NVL: variants seen among roughly 807,000 people sequenced by gnomAD.
NVL encodes the protein nuclear valosin-containing protein-like.
In NVL, 84 loss-of-function variants were observed where a neutral mutation model predicts 110.2. The observed-to-expected ratio is 0.76, with a 90% CI of 0.64 to 0.91. The LOEUF is 0.91. Among genes scored for constraint, NVL ranks in the 40% least tolerant of loss-of-function variants. NVL has a pLI of 0.00. For missense variants in NVL, 882 were observed against 1,035.9 expected (o/e 0.85, Z 2.04); for synonymous variants, 354 against 361.1 (o/e 0.98, Z 0.22).
At chr1:224,235,268 A>G (rs1478671034) in intron 20 of NVL, among the ~76,000 whole-genome samples, 1 of 152,128 alleles carries the variant, frequency 6.6e-6, no homozygotes, top group Non-Finnish European at 1.5e-5. Context: ...GCTGGGTTCA[A>G]GCAATTTTCC....
intron 2 of NVL, among the ~76,000 whole-genome samples, chr1:224,321,259 A>T (rs932974283): frequency 5.3e-5 from 8 of 152,204 alleles, no homozygotes; most frequent in Non-Finnish European, 8.8e-5. Flanking sequence ...AAATAAATAA[A>T]TAATTAATTA....
intron 19 of NVL, among the ~76,000 whole-genome samples, chr1:224,242,032 C>CA (rs922580258): frequency 8.6e-4 from 118 of 136,526 alleles, no homozygotes; most frequent in Middle Eastern, 3.6e-3. Context: ...AACTCCGTCT[C>CA]AAAAAAAAAA....
intron 18 of NVL, among the ~76,000 whole-genome samples, chr1:224,255,550 A>T (rs144175072): frequency 2.0e-4 from 31 of 152,002 alleles, no homozygotes; most frequent in Non-Finnish European, 3.5e-4. Context: ...ATTTTCTCCT[A>T]GTCTGTGGTT....
intron 9 of NVL, chr1:224,302,971 C>T: frequency 7.0e-6 from 2 of 286,694 alleles, no homozygotes; most frequent in South Asian, 2.7e-5. Flanking sequence ...ACCACTTGAG[C>T]CTGGGAAGTT....
intron 18 of NVL, among the ~76,000 whole-genome samples, chr1:224,253,648 A>T (rs534264886): frequency 6.7e-6 from 1 of 149,218 alleles, no homozygotes; most frequent in South Asian, 2.1e-4. Flanking sequence ...CAGGAGAATC[A>T]CTTGAACTCA....
intron 5 of NVL, among the ~76,000 whole-genome samples, chr1:224,308,932 A>G (rs1422376015): frequency 6.7e-6 from 1 of 148,716 alleles, no homozygotes; most frequent in Non-Finnish European, 1.5e-5. Flanking sequence ...GTGATGGCGG[A>G]CGCCTGTAGT....
chr1:224,233,276 A>C lies in NVL; in HGVS notation c.2380T>G (p.Ser794Ala), dbSNP rs923136062. ...RCDCYTGADLSALVREASICA... is the reference protein window; with the variant it reads ...RCDCYTGADLAALVREASICA... ...ATAGAAGCTTCTCGTACCAAAGCAGAGAGATCTGCGCCCCTACAATAAAAT... is the reference window on the plus strand; with the variant it reads ...ATAGAAGCTTCTCGTACCAAAGCAGCGAGATCTGCGCCCCTACAATAAAAT... The change falls in exon 21 of 23, where the codon TCT (serine) becomes GCT (alanine). Residue 794 changes from serine (S) to alanine (A), a missense_variant. Around this residue, in one of 4 missense-constraint regions of NVL, gnomAD observed 126 missense variants for 140.7 expected, o/e 0.90. Transcript: ENST00000281701. 2 of 1,611,600 alleles carry C rather than the reference A, an allele frequency of 1.2e-6. No individual in the cohort carries two copies. Among genetic ancestry groups the C allele is most frequent in the Non-Finnish European group, 1.7e-6 (2 of 1,179,094 alleles).
At chr1:224,261,115 C>T (rs1230314507) in intron 18 of NVL, among the ~76,000 whole-genome samples, 1 of 152,140 alleles carries the variant, frequency 6.6e-6, no homozygotes, top group African/African-American at 2.4e-5. Flanking sequence ...ACCTCATGAT[C>T]TGCCCGCCTC....
intron 18 of NVL, among the ~76,000 whole-genome samples, chr1:224,254,237 T>C (rs1324014238): frequency 6.6e-6 from 1 of 151,286 alleles, no homozygotes; most frequent in Admixed American, 6.6e-5. Context: ...GGATTACAGG[T>C]GACCACCACC....
At chr1:224,266,188 CTTTT>C (rs907972021) in intron 18 of NVL, among the ~76,000 whole-genome samples, 7 of 152,070 alleles carry the variant, frequency 4.6e-5, no homozygotes, top group Non-Finnish European at 1.0e-4. Context: ...TTCAATGAGG[CTTTT>C]TTGAGAGAAA....
rs183337089 is a variant in NVL, at chr1:224,252,302, G to A, written c.2183-1984C>T. 2.3e-3 allele frequency among the ~76,000 whole-genome samples: 357 copies of A among 152,114 alleles called. 1 individual carries two copies. In the Middle Eastern group the frequency reaches 0.031, roughly 13 times the overall value. ...GCTTGCCAGACCCTTGGTATCAGGA[G>A]CACAGAGCAAGCCCCATACCTGAAG... On this transcript the variant is annotated intron_variant, in intron 18 of 22. Coordinates refer to ENST00000281701, the MANE Select transcript of NVL (RefSeq NM_002533.4).
intron 19 of NVL, among the ~76,000 whole-genome samples, chr1:224,249,948 T>C (rs1662277246): frequency 6.6e-6 from 1 of 152,194 alleles, no homozygotes; most frequent in African/African-American, 2.4e-5. Flanking sequence ...TTGCCCAGGC[T>C]GGTACCAAAC....
Position 224,300,780 on chromosome 1 carries a change from A to G in NVL, c.961-117T>C, listed in dbSNP as rs1445490659. On this transcript the variant is annotated intron_variant, in intron 9 of 22. Transcript: ENST00000281701. ...GTTTCCTGAGGAACTTCATCTTTTT[A>G]TGTTGGCCCAGTGAAAAACACTATT... 8.7e-6 allele frequency: 6 copies of G among 691,446 alleles called. No homozygotes were observed. The East Asian group carries it at 1.7e-4, about 19-fold the overall frequency. The allele number at this position is 691,446 out of a possible 1,614,324, so 42.8% of individuals were successfully genotyped here. A position where few individuals can be genotyped will look rare whatever the true frequency, so the allele number is the denominator to read the frequency against.
Position 224,294,354 on chromosome 1 carries a change from G to C in NVL, c.1238C>G (p.Pro413Arg), listed in dbSNP as rs772190566. The C allele has an allele frequency of 6.2e-7, 1 of 1,614,028 alleles. No individual in the cohort carries two copies. The highest frequency in any genetic ancestry group is 2.2e-5 in the East Asian group (1 of 44,870). ...TCTCAAAGCAGGGTCTAACGAGTCT[G>C]GTCGATTAGTAGCTCCAATAACTAG... Reference protein sequence around the residue: ...RVLVIGATNRPDSLDPALRRA... With the variant: ...RVLVIGATNRRDSLDPALRRA... The change falls in exon 12 of 23, where the codon CCA (proline) becomes CGA (arginine). Residue 413 changes from proline to arginine, a missense_variant. Around this residue, in one of 4 missense-constraint regions of NVL, gnomAD observed 416 missense variants for 499.3 expected, o/e 0.83. Coordinates refer to ENST00000281701, the MANE Select transcript of NVL (RefSeq NM_002533.4).
At chr1:224,235,620 T>G (rs377333066) in intron 20 of NVL, among the ~76,000 whole-genome samples, 59 of 151,892 alleles carry the variant, frequency 3.9e-4, no homozygotes, top group African/African-American at 1.4e-3. Context: ...CACTGCTACA[T>G]TGGAAGGACA....
At position 224,281,025 on chromosome 1, in the gene NVL, A is replaced by G. The variant is rs1446610822; in HGVS notation, c.1962+98T>C. ...CAGCACTGATTTTAAATACCAAAAT[A>G]CCACAATTGCTGAAAGATCTGAGAA... On this transcript the variant is annotated intron_variant, in intron 16 of 22. Coordinates refer to ENST00000281701, the MANE Select transcript of NVL (RefSeq NM_002533.4). 4.5e-6 allele frequency: 5 copies of G among 1,114,094 alleles called. No homozygotes were observed. The Admixed American group carries it at 7.1e-5, about 16-fold the overall frequency. 69.0% of individuals were successfully genotyped at this position (1,114,094 alleles called of 1,614,324 possible).
chr1:224,255,148 C>A (rs1663041936), intron 18 of NVL, among the ~76,000 whole-genome samples: 1 of 148,166 alleles, frequency 6.7e-6, no homozygotes, highest in Non-Finnish European at 1.5e-5. Context: ...GGATTACAGG[C>A]ATGAGCCAAT....
intron 18 of NVL, among the ~76,000 whole-genome samples, chr1:224,259,031 C>A: frequency 7.1e-6 from 1 of 141,430 alleles, no homozygotes; most frequent in East Asian, 2.0e-4. Flanking sequence ...TTGCCTAAGG[C>A]TGGAGATGAG....
intron 15 of NVL, among the ~76,000 whole-genome samples, chr1:224,283,039 C>G (rs1224622371): frequency 2.6e-5 from 4 of 152,116 alleles, no homozygotes. Flanking sequence ...GTCTTGCACC[C>G]CTTGGAGAAC....
Sources: allele counts gnomAD v4.1 joint callset (sites outside exome capture counted in the v4.1 genomes callset), GRCh38; gene constraint gnomAD v4.1.1; regional missense constraint gnomAD v4.1.1; transcripts MANE v1.5; gene names NCBI Gene and HGNC (gene_info 2026-07-23, HGNC 2026-07-21).